Variants in KDM5A observed in about 807,000 individuals in gnomAD.
KDM5A encodes the protein lysine-specific demethylase 5A.
Under a neutral mutation model 193.5 loss-of-function variants are expected in KDM5A, and 42 were observed. That is an observed-to-expected ratio of 0.22 (90% CI 0.17 to 0.28). KDM5A has a LOEUF of 0.28. Among genes scored for constraint, KDM5A ranks in the 10% least tolerant of loss-of-function variants. The pLI is 1.00. For synonymous variants in KDM5A, 796 were observed against 718.1 expected (o/e 1.11, Z -1.73); for missense variants, 1,692 against 2,055.1 (o/e 0.82, Z 3.42).
chr12:336,985 T>A (rs1450897439), intron 10 of KDM5A, among the ~76,000 whole-genome samples: 1 of 152,172 alleles, frequency 6.6e-6, no homozygotes, highest in African/African-American at 2.4e-5. Flanking sequence ...TCTACCCAAA[T>A]CTCATGTTGA....
chr12:381,583 A>T (rs903435895), intron 3 of KDM5A, among the ~76,000 whole-genome samples: 3 of 152,144 alleles, frequency 2.0e-5, no homozygotes, highest in Non-Finnish European at 2.9e-5. Flanking sequence ...GAAGAAACCC[A>T]CCACCCAAAT....
In KDM5A at chr12:284,244, G is replaced by T; in HGVS notation, c.*1212C>A. On this transcript the variant is annotated 3_prime_UTR_variant, in exon 28 of 28. Coordinates refer to ENST00000399788, the MANE Select transcript of KDM5A (RefSeq NM_001042603.3). ...TATATATATTTATATATTCATATATGTATATTAAAAAAGGAAAAATAATCT... is the reference window on the plus strand; with the variant it reads ...TATATATATTTATATATTCATATATTTATATTAAAAAAGGAAAAATAATCT... 4.5e-6 allele frequency: 1 copy of T among 220,864 alleles called. No homozygotes were observed. Among genetic ancestry groups the T allele is most frequent in the Non-Finnish European group, 9.0e-6 (1 of 110,740 alleles). 13.7% of individuals were successfully genotyped at this position (220,864 alleles called of 1,614,324 possible).
intron 24 of KDM5A, among the ~76,000 whole-genome samples, chr12:306,131 C>T (rs1418825672): frequency 6.6e-6 from 1 of 151,794 alleles, no homozygotes; most frequent in Non-Finnish European, 1.5e-5. Context: ...GCTACCACAC[C>T]CAACTAATTT....
chr12:327,640 G>A (rs1417611416), intron 14 of KDM5A, among the ~76,000 whole-genome samples: 1 of 152,082 alleles, frequency 6.6e-6, no homozygotes, highest in African/African-American at 2.4e-5. Context: ...CCTGGGAGGC[G>A]GAGGTTGCAG....
chr12:372,807 G>C (rs1266927203), intron 3 of KDM5A, among the ~76,000 whole-genome samples: 1 of 152,194 alleles, frequency 6.6e-6, no homozygotes, highest in Non-Finnish European at 1.5e-5. Context: ...ATGAAGCATT[G>C]TTGAATTTTG....
chr12:342,755 C>A (rs576955271), intron 10 of KDM5A, among the ~76,000 whole-genome samples: 97 of 150,518 alleles, frequency 6.4e-4, no homozygotes, highest in Non-Finnish European at 1.3e-3. Context: ...GGCCACCGTG[C>A]CTGGCCTAAA....
In KDM5A at chr12:331,911, C is replaced by T. The variant is rs2137422934; in HGVS notation, c.1681G>A (p.Glu561Lys). The T allele has an allele frequency of 6.2e-7, 1 of 1,613,966 alleles. No homozygotes were observed. ...PVYRTNQCAGEFVVTFPRAYH... is the reference protein window; with the variant it reads ...PVYRTNQCAGKFVVTFPRAYH... Reference sequence around the variant, plus strand: ...GCACGAGGAAATGTCACAACAAACTCGCCAGCACACTGATTGGTCCTGTAC... The same window carrying T: ...GCACGAGGAAATGTCACAACAAACTTGCCAGCACACTGATTGGTCCTGTAC... The change falls in exon 13 of 28, where the codon GAG becomes AAG. Residue 561 changes from glutamate to lysine, a missense_variant. Glu to Lys is a moderately conservative substitution (Grantham distance 56, BLOSUM62 1). This residue lies in a region of KDM5A where 172 missense variants were observed against 260.3 expected (regional missense o/e 0.66). Coordinates refer to ENST00000399788, the MANE Select transcript of KDM5A (RefSeq NM_001042603.3).
intron 10 of KDM5A, among the ~76,000 whole-genome samples, chr12:346,638 T>A (rs960835563): frequency 3.9e-5 from 6 of 152,050 alleles, no homozygotes; most frequent in Non-Finnish European, 8.8e-5. Flanking sequence ...ACGTAATCCA[T>A]CACATAAACA....
intron 24 of KDM5A, among the ~76,000 whole-genome samples, chr12:303,838 G>T (rs76226317): frequency 6.6e-6 from 1 of 152,082 alleles, no homozygotes; most frequent in South Asian, 2.1e-4. Context: ...ACAAGTATAT[G>T]TCTGACTGAC....
intron 12 of KDM5A, among the ~76,000 whole-genome samples, chr12:332,441 G>A (rs961530715): frequency 6.6e-6 from 1 of 151,940 alleles, no homozygotes; most frequent in African/African-American, 2.4e-5. Flanking sequence ...TCAGATTCTG[G>A]TATAAATTTA....
At position 307,356 on chromosome 12, in the gene KDM5A, T is replaced by G. The variant is rs1156459792; in HGVS notation, c.3930+98A>C. ...CAATGGATAATTGCTGACAAGTTAC[T>G]GTTATTTTCCTAATCAATTGGTAAG... On this transcript the variant is annotated intron_variant, in intron 23 of 27. Coordinates refer to ENST00000399788, the MANE Select transcript of KDM5A (RefSeq NM_001042603.3). This position sits in a 1 kb window ranked among gnomAD's most constrained non-coding sequence, Gnocchi z 4.3. 1 of 1,321,060 alleles carries G rather than the reference T, an allele frequency of 7.6e-7. No individual in the cohort carries two copies. Among genetic ancestry groups the G allele is most frequent in the Non-Finnish European group, 1.1e-6 (1 of 922,804 alleles). 81.8% of individuals were successfully genotyped at this position (1,321,060 alleles called of 1,614,324 possible).
intron 24 of KDM5A, among the ~76,000 whole-genome samples, chr12:297,921 CA>C (rs1424804233): frequency 6.6e-6 from 1 of 152,100 alleles, no homozygotes. Flanking sequence ...AGATTCAAGA[CA>C]AAAGAGAGTG....
chr12:341,029 T>C (rs1226149014), intron 10 of KDM5A, among the ~76,000 whole-genome samples: 2 of 152,234 alleles, frequency 1.3e-5, no homozygotes, highest in African/African-American at 2.4e-5. Flanking sequence ...GGATTACTAT[T>C]TACATTCTTA....
chr12:381,774 T>A (rs1165906388), intron 3 of KDM5A, among the ~76,000 whole-genome samples: 1 of 151,736 alleles, frequency 6.6e-6, no homozygotes, highest in East Asian at 1.9e-4. Flanking sequence ...TGACACTAAT[T>A]TTAAAATGTA....
chr12:316,136 G>A (rs1258158308), intron 19 of KDM5A, among the ~76,000 whole-genome samples: 1 of 152,214 alleles, frequency 6.6e-6, no homozygotes. Flanking sequence ...AAGAGATCAA[G>A]AAGATTAAGG....
rs1943146667 is a variant in KDM5A, at chr12:280,740, T to G, written c.*4716A>C. ...AATGGTTTGTTGCAAAGGGATAAAC[T>G]TCTCAAGAACCAAAAGTGAGGAAAT... On this transcript the variant is annotated 3_prime_UTR_variant, in exon 28 of 28. Coordinates refer to ENST00000399788, the MANE Select transcript of KDM5A (RefSeq NM_001042603.3). The G allele has an allele frequency of 4.3e-6, 1 of 232,916 alleles. No homozygotes were observed. The highest frequency in any genetic ancestry group is 8.5e-6 in the Non-Finnish European group (1 of 117,906). The allele number at this position is 232,916 out of a possible 1,614,324, so 14.4% of individuals were successfully genotyped here. A position where few individuals can be genotyped will look rare whatever the true frequency, so the allele number is the denominator to read the frequency against.
Position 282,426 on chromosome 12 carries a change from G to C in KDM5A, c.*3030C>G. On this transcript the variant is annotated 3_prime_UTR_variant, in exon 28 of 28. Transcript: ENST00000399788. Reference sequence around the variant, plus strand: ...CACAAATTTGAATCATGCAGGCAAAGCTGGTGTGCAGCAGCTTAGTGAGGA... The same window carrying C: ...CACAAATTTGAATCATGCAGGCAAACCTGGTGTGCAGCAGCTTAGTGAGGA... 1 of 233,282 alleles carries C rather than the reference G, an allele frequency of 4.3e-6. No homozygotes were observed. Among genetic ancestry groups the C allele is most frequent in the Non-Finnish European group, 8.5e-6 (1 of 118,038 alleles). The allele number at this position is 233,282 out of a possible 1,614,324, so 14.5% of individuals were successfully genotyped here. A position where few individuals can be genotyped will look rare whatever the true frequency, so the allele number is the denominator to read the frequency against.
At chr12:379,048 G>C (rs1022536882) in intron 3 of KDM5A, among the ~76,000 whole-genome samples, 1 of 151,378 alleles carries the variant, frequency 6.6e-6, no homozygotes, top group Non-Finnish European at 1.5e-5. Context: ...AAAAATAATA[G>C]GGAGAAAGAT....
Position 295,633 on chromosome 12 carries a change from T to C in KDM5A, c.4395A>G (p.Ile1465Met), listed in dbSNP as rs1388944644. ...LEVSLDETQH[I>M]WRILQATHPP... ...GGTGTGTGGCCTGCAAAATCCGCCA[T>C]ATGTGTTGAGTCTCGTCCAGAGATA... is the stretch of plus-strand genomic sequence containing the variant. Residue 1465 changes from isoleucine (I) to methionine (M), a missense_variant, in exon 26 of 28, where the codon ATA becomes ATG. Around this residue, in one of 11 missense-constraint regions of KDM5A, gnomAD observed 965 missense variants for 1,061.0 expected, o/e 0.91. Transcript: ENST00000399788. The C allele has an allele frequency of 2.5e-6, 4 of 1,614,038 alleles. No individual in the cohort carries two copies. Among genetic ancestry groups the C allele is most frequent in the South Asian group, 1.1e-5 (1 of 91,094 alleles).
Sources: gnomAD v4.1 joint callset for allele counts (sites outside exome capture counted in the v4.1 genomes callset) on GRCh38, gnomAD v4.1.1 for gene constraint, gnomAD v4.1.1 regional missense constraint, Gnocchi (gnomAD v3.1) non-coding constraint, MANE v1.5 for transcripts, NCBI Gene and HGNC (gene_info 2026-07-23, HGNC 2026-07-21) for gene names.